The following DMD variants were observed in gnomAD, a reference collection of about 807,000 sequenced individuals.
DMD encodes the protein dystrophin.
A neutral mutation model predicts 330.1 loss-of-function variants in DMD; 63 were observed. The observed-to-expected ratio is 0.19, with a 90% CI of 0.16 to 0.24. The LOEUF is 0.24. DMD is among the 10% of genes least tolerant of loss of function. The pLI is 1.00. For missense variants in DMD, 3,344 were observed against 2,684.1 expected (o/e 1.25, Z -5.43); for synonymous variants, 1,223 against 959.8 (o/e 1.27, Z -5.07).
intron 63 of DMD, among the ~76,000 whole-genome samples, chrX:31,238,801 A>G (rs1389598889): frequency 9.0e-6 from 1 of 111,687 alleles, no homozygotes; most frequent in Non-Finnish European, 1.9e-5. Context: ...AAGAACCATG[A>G]TACCGGGCAA....
At chrX:32,726,841 A>T (rs946889426) in intron 7 of DMD, among the ~76,000 whole-genome samples, 5 of 110,610 alleles carry the variant, frequency 4.5e-5, no homozygotes, top group African/African-American at 1.6e-4. Context: ...AAGATGATGG[A>T]TTCAGATATT....
rs2080529855 is a variant in DMD, at chrX:32,845,000, A to G, written c.187-140T>C. On this transcript the variant is annotated intron_variant, in intron 3 of 78. Transcript: ENST00000357033. ...TGTGAGGCATTAATATAATGAATCTAAATACTTTGCGCTAATTGTCCTTGG... is the reference window on the plus strand; with the variant it reads ...TGTGAGGCATTAATATAATGAATCTGAATACTTTGCGCTAATTGTCCTTGG... 6 of 552,816 alleles carry G rather than the reference A, an allele frequency of 1.1e-5. No individual in the cohort carries two copies. The South Asian group carries it at 1.5e-4, about 14-fold the overall frequency. The allele number at this position is 552,816 out of a possible 1,213,427, so 45.6% of individuals were successfully genotyped here.
At chrX:32,356,659 GAATA>G (rs2097802044) in intron 37 of DMD, among the ~76,000 whole-genome samples, 2 of 110,652 alleles carry the variant, frequency 1.8e-5, no homozygotes, top group African/African-American at 3.3e-5. Context: ...ATCAATTTCA[GAATA>G]AATAATTTAA....
Position 32,657,936 on chromosome X carries a change from G to C in DMD, c.961-12784C>G, listed in dbSNP as rs777532176. On this transcript the variant is annotated intron_variant, in intron 9 of 78. Coordinates refer to ENST00000357033, the MANE Select transcript of DMD (RefSeq NM_004006.3). ...TACTTTTAAAATGCAAAATAATTCA[G>C]AAGTAAACTGCTTTAGACAAGTGGT... is the stretch of plus-strand genomic sequence containing the variant. 1.7e-4 allele frequency among the ~76,000 whole-genome samples: 19 copies of C among 111,325 alleles called. No homozygotes were observed. In the East Asian group the frequency reaches 5.1e-3, roughly 30 times the overall value.
At chrX:33,329,671 T>C (rs2054141111) in intron 1 of DMD, among the ~76,000 whole-genome samples, 1 of 111,625 alleles carries the variant, frequency 9.0e-6, no homozygotes, top group Non-Finnish European at 1.9e-5. Context: ...AGTACAGCTG[T>C]ATGGCTTCAA....
intron 44 of DMD, among the ~76,000 whole-genome samples, chrX:32,122,627 T>C (rs2096641610): frequency 1.8e-5 from 2 of 111,604 alleles, no homozygotes; most frequent in South Asian, 7.6e-4. Context: ...ATCTGTGAAA[T>C]TTTTTGAGAT....
chrX:33,010,541 C>A (rs1414293720), intron 2 of DMD, among the ~76,000 whole-genome samples: 1 of 110,113 alleles, frequency 9.1e-6, no homozygotes, highest in Middle Eastern at 4.7e-3. Flanking sequence ...AGATGCTCAG[C>A]CAGTAAGTAT....
intron 1 of DMD, among the ~76,000 whole-genome samples, chrX:33,167,508 C>T (rs771140813): frequency 3.6e-5 from 4 of 110,397 alleles, no homozygotes; most frequent in Non-Finnish European, 7.6e-5. Context: ...TATCCTTCAC[C>T]CAGAATTTTT....
intron 15 of DMD, among the ~76,000 whole-genome samples, chrX:32,568,998 G>C (rs1288540555): frequency 8.9e-6 from 1 of 112,089 alleles, no homozygotes; most frequent in Non-Finnish European, 1.9e-5. Context: ...GAGACCCATA[G>C]AGCTCTAGAA....
intron 63 of DMD, among the ~76,000 whole-genome samples, chrX:31,253,192 T>C (rs1330987742): frequency 9.0e-6 from 1 of 111,318 alleles, no homozygotes; most frequent in East Asian, 2.8e-4. Context: ...TGAAGACCAA[T>C]AGAAAGCAAG....
intron 59 of DMD, among the ~76,000 whole-genome samples, chrX:31,446,227 T>G (rs1432358101): frequency 2.7e-5 from 3 of 112,314 alleles, no homozygotes; most frequent in African/African-American, 9.7e-5. Context: ...CAAAACATTG[T>G]GATAATCACT....
chrX:32,679,336 G>GTT (rs781595657), intron 9 of DMD, among the ~76,000 whole-genome samples: 2 of 108,866 alleles, frequency 1.8e-5, no homozygotes, highest in African/African-American at 6.8e-5. Flanking sequence ...ACGAGGTTTT[G>GTT]GTTTTTTTTT....
At chrX:32,702,438 T>C (rs1249499962) in intron 7 of DMD, among the ~76,000 whole-genome samples, 1 of 111,443 alleles carries the variant, frequency 9.0e-6, no homozygotes, top group Non-Finnish European at 1.9e-5. Context: ...TAGCGATGTC[T>C]TGGCAACAGT....
chrX:31,766,873 T>TTGTGTGTGTGTGTG (rs756777827), intron 51 of DMD, among the ~76,000 whole-genome samples: 2,236 of 101,020 alleles, frequency 0.022, 35 homozygotes, highest in Non-Finnish European at 0.032. Flanking sequence ...AAATATGATT[T>TTGTGTGTGTGTGTG]TGTGTGTGTG....
At chrX:32,483,157 A>ATG (rs2042072272) in intron 21 of DMD, among the ~76,000 whole-genome samples, 1 of 82,784 alleles carries the variant, frequency 1.2e-5, no homozygotes, top group Non-Finnish European at 2.5e-5. Flanking sequence ...ATATATATAT[A>ATG]TATATATACA....
At chrX:31,310,345 T>G (rs995957590) in intron 62 of DMD, among the ~76,000 whole-genome samples, 4 of 109,741 alleles carry the variant, frequency 3.6e-5, no homozygotes, top group African/African-American at 6.6e-5. Context: ...CTGTGCCTGC[T>G]CAGCCCCTCC....
intron 15 of DMD, among the ~76,000 whole-genome samples, chrX:32,571,010 C>A (rs1293919584): frequency 9.0e-6 from 1 of 111,713 alleles, no homozygotes; most frequent in Non-Finnish European, 1.9e-5. Flanking sequence ...AGATGCTTTG[C>A]TATAACTTGA....
At chrX:31,139,005 C>G (rs1430072308) in intron 76 of DMD, among the ~76,000 whole-genome samples, 6 of 112,383 alleles carry the variant, frequency 5.3e-5, no homozygotes, top group Non-Finnish European at 1.9e-5. Flanking sequence ...CAGTTGCACA[C>G]TAGAGACCTG....
chrX:32,773,990 C>A (rs978952759), intron 7 of DMD, among the ~76,000 whole-genome samples: 1 of 110,871 alleles, frequency 9.0e-6, no homozygotes, highest in African/African-American at 3.3e-5. Flanking sequence ...TATATCATTA[C>A]CAATGGAAAA....
Sources: gnomAD v4.1 joint callset for allele counts (sites outside exome capture counted in the v4.1 genomes callset) on GRCh38, gnomAD v4.1.1 for gene constraint, MANE v1.5 for transcripts, NCBI Gene and HGNC (gene_info 2026-07-23, HGNC 2026-07-21) for gene names.